DYNC2H1: variants seen among roughly 807,000 people sequenced by gnomAD.
DYNC2H1 encodes cytoplasmic dynein 2 heavy chain 1.
DYNC2H1 carries 410 observed loss-of-function variants against 570.0 expected under a neutral mutation model. That is an observed-to-expected ratio of 0.72 (90% CI 0.66 to 0.78). The LOEUF (loss-of-function observed/expected upper bound fraction) is 0.78. DYNC2H1 is among the 30% of genes least tolerant of loss of function. The pLI is 0.00. For synonymous variants in DYNC2H1, 1,688 were observed against 1,677.6 expected (o/e 1.01, Z -0.15); for missense variants, 4,865 against 5,046.4 (o/e 0.96, Z 1.09).
chr11:103,135,855 T>G lies in DYNC2H1; in HGVS notation c.2481T>G (p.Ile827Met). ...GEAGDESIFS[I>M]MIDRNASGFL... The stretch of plus-strand genomic sequence containing the variant: ...CAGGAGATGAATCTATTTTTTCTAT[T>G]ATGATTGATAGAAATGCAAGTGGAT... Residue 827 changes from isoleucine (I) to methionine (M), a missense_variant, in exon 17 of 89, where the codon ATT becomes ATG. Physicochemically the swap from Ile to Met is conservative, Grantham distance 10. This residue lies in a region of DYNC2H1 where 1,936 missense variants were observed against 1,962.1 expected (regional missense o/e 0.99). Coordinates refer to ENST00000375735, the MANE Select transcript of DYNC2H1 (RefSeq NM_001377.3). 1 of 1,613,100 alleles carries G rather than the reference T, an allele frequency of 6.2e-7. No individual in the cohort carries two copies. Among genetic ancestry groups the G allele is most frequent in the South Asian group, 1.1e-5 (1 of 90,902 alleles).
intron 75 of DYNC2H1, among the ~76,000 whole-genome samples, chr11:103,297,508 G>A (rs188896296): frequency 1.2e-4 from 19 of 152,196 alleles, no homozygotes; most frequent in Admixed American, 1.1e-3. Context: ...ACACACCTAG[G>A]CTATGTAGTA....
chr11:103,308,835 T>A (rs1867426998), intron 78 of DYNC2H1, among the ~76,000 whole-genome samples: 1 of 152,200 alleles, frequency 6.6e-6, no homozygotes, highest in Non-Finnish European at 1.5e-5. Context: ...TTAAAATTAT[T>A]TAATTTTTTG....
intron 22 of DYNC2H1, 101 bp downstream of exon 22, chr11:103,153,609 A>C: frequency 5.7e-6 from 6 of 1,048,088 alleles, no homozygotes; most frequent in East Asian, 2.7e-5. Context: ...AACTTTCCTC[A>C]TAAACTTCAT....
At chr11:103,214,579 C>T (rs575791505) in intron 54 of DYNC2H1, among the ~76,000 whole-genome samples, 46 of 150,858 alleles carry the variant, frequency 3.0e-4, no homozygotes, top group African/African-American at 9.5e-4. Flanking sequence ...CGAGTAGCTG[C>T]GATACAGGCA....
At chr11:103,373,449 A>G (rs539033118) in intron 83 of DYNC2H1, among the ~76,000 whole-genome samples, 2 of 152,104 alleles carry the variant, frequency 1.3e-5, no homozygotes, top group East Asian at 1.9e-4. Context: ...GTTGATTTTC[A>G]TTGACCCACT....
chr11:103,137,055 C>T (rs184305960), intron 17 of DYNC2H1, among the ~76,000 whole-genome samples: 4,494 of 148,174 alleles, frequency 0.03, 93 homozygotes, highest in Middle Eastern at 0.049. Flanking sequence ...TGTCCTTTGC[C>T]CACTTTTTGA....
chr11:103,418,937 C>T (rs1943379034), intron 84 of DYNC2H1, among the ~76,000 whole-genome samples: 1 of 152,202 alleles, frequency 6.6e-6, no homozygotes, highest in Non-Finnish European at 1.5e-5. Flanking sequence ...CACACAGGCC[C>T]AGGAGTTTTA....
chr11:103,243,872 C>T lies in DYNC2H1; in HGVS notation c.9918+81C>T, dbSNP rs1340370137. On this transcript the variant is annotated intron_variant, in intron 64 of 88. Coordinates refer to ENST00000375735, the MANE Select transcript of DYNC2H1 (RefSeq NM_001377.3). This position sits in a 1 kb window ranked among gnomAD's most constrained non-coding sequence, Gnocchi z 4.8. ...GATCTTGGAGTCTATAATCAGAAAA[C>T]ATAGATTCAACACTGGGTCCTACTG... 3.5e-6 allele frequency: 4 copies of T among 1,128,590 alleles called. No homozygotes were observed. The highest frequency in any genetic ancestry group is 3.1e-5 in the African/African-American group (2 of 63,688). The allele number at this position is 1,128,590 out of a possible 1,614,324, so 69.9% of individuals were successfully genotyped here. A position where few individuals can be genotyped will look rare whatever the true frequency, so the allele number is the denominator to read the frequency against.
In DYNC2H1 at chr11:103,222,864, G is replaced by A. The variant is rs1341665374; in HGVS notation, c.9232-101G>A. The stretch of plus-strand genomic sequence containing the variant: ...TATAAGCCAAAAAACTACTTTATTT[G>A]GGTCAAGTTAATAAGTGCCCAAATA... On this transcript the variant is annotated intron_variant, in intron 58 of 88. Coordinates refer to ENST00000375735, the MANE Select transcript of DYNC2H1 (RefSeq NM_001377.3). The A allele has an allele frequency of 2.1e-6, 3 of 1,429,430 alleles. No individual in the cohort carries two copies. The African/African-American group carries it at 4.4e-5, about 21-fold the overall frequency. 88.5% of individuals were successfully genotyped at this position (1,429,430 alleles called of 1,614,324 possible). A position where few individuals can be genotyped will look rare whatever the true frequency, so the allele number is the denominator to read the frequency against.
Position 103,168,708 on chromosome 11 carries a change from A to AC in DYNC2H1, c.4763-46dup, listed in dbSNP as rs757951552. On this transcript the variant is annotated intron_variant, in intron 31 of 88. Coordinates refer to ENST00000375735, the MANE Select transcript of DYNC2H1 (RefSeq NM_001377.3). ...CACGTAATCATAAATTATATAAATC[A>AC]CAGGCTAACATTTTCTCCAATTGTC... 3.2e-6 allele frequency: 5 copies of AC among 1,567,788 alleles called. No homozygotes were observed. The African/African-American group carries it at 5.4e-5, about 17-fold the overall frequency.
intron 46 of DYNC2H1, among the ~76,000 whole-genome samples, chr11:103,191,820 T>C (rs929159858): frequency 1.3e-5 from 2 of 152,014 alleles, no homozygotes; most frequent in African/African-American, 4.8e-5. Context: ...TTGGGAAAAA[T>C]GAAATCATTA....
chr11:103,140,550 C>T (rs1443510237), intron 17 of DYNC2H1, among the ~76,000 whole-genome samples: 1 of 152,208 alleles, frequency 6.6e-6, no homozygotes, highest in Non-Finnish European at 1.5e-5. Context: ...CCACTCTCTT[C>T]TGGCTTGTAG....
rs1262502389 is a variant in DYNC2H1, at chr11:103,239,017, C to T, written c.9819+2478C>T. Among the ~76,000 whole-genome samples the T allele has an allele frequency of 6.6e-6, 1 of 152,106 alleles. No individual in the cohort carries two copies. Among genetic ancestry groups the T allele is most frequent in the Non-Finnish European group, 1.5e-5 (1 of 68,024 alleles). On this transcript the variant is annotated intron_variant, in intron 63 of 88. Coordinates refer to ENST00000375735, the MANE Select transcript of DYNC2H1 (RefSeq NM_001377.3). This position sits in a 1 kb window ranked among gnomAD's most constrained non-coding sequence, Gnocchi z 4.3. Reference sequence around the variant, plus strand: ...TTATATGATCTAATATTGGTCAACTCAGTGGATAATGGAAAGTATAATAAG... The same window carrying T: ...TTATATGATCTAATATTGGTCAACTTAGTGGATAATGGAAAGTATAATAAG...
chr11:103,464,563 A>G (rs1945132125), intron 87 of DYNC2H1, among the ~76,000 whole-genome samples: 1 of 152,204 alleles, frequency 6.6e-6, no homozygotes, highest in Admixed American at 6.5e-5. Context: ...AAAATCTTCA[A>G]AGTTACCAGA....
intron 80 of DYNC2H1, among the ~76,000 whole-genome samples, chr11:103,317,222 ATC>A (rs1937901309): frequency 6.6e-6 from 1 of 151,738 alleles, no homozygotes; most frequent in Admixed American, 6.6e-5. Context: ...TCACAAACAA[ATC>A]TCTCAATTCC....
chr11:103,109,781 T>A lies in DYNC2H1; in HGVS notation c.195+12T>A, dbSNP rs540851262. 2.4e-5 allele frequency: 38 copies of A among 1,606,960 alleles called. 1 individual carries two copies. The South Asian group carries it at 4.2e-4, about 18-fold the overall frequency. ...CCTTTTCCAACACGGTACGGTTCCT[T>A]GCACTCCTGCCTGACCCCTGACCAC... is the stretch of plus-strand genomic sequence containing the variant. On this transcript the variant is annotated intron_variant, in intron 1 of 88. Coordinates refer to ENST00000375735, the MANE Select transcript of DYNC2H1 (RefSeq NM_001377.3).
chr11:103,222,294 G>C (rs940481125), intron 58 of DYNC2H1, 141 bp downstream of exon 58: 3 of 562,586 alleles, frequency 5.3e-6, no homozygotes, highest in Non-Finnish European at 2.8e-6. Flanking sequence ...AATTACACTT[G>C]GGAAGCATTA....
chr11:103,245,170 A>C lies in DYNC2H1; in HGVS notation c.9919-81A>C. The C allele has an allele frequency of 8.4e-7, 1 of 1,191,298 alleles. No individual in the cohort carries two copies. The highest frequency in any genetic ancestry group is 1.2e-6 in the Non-Finnish European group (1 of 866,716). The allele number at this position is 1,191,298 out of a possible 1,614,324, so 73.8% of individuals were successfully genotyped here. A position where few individuals can be genotyped will look rare whatever the true frequency, so the allele number is the denominator to read the frequency against. Reference sequence around the variant, plus strand: ...TGTGTTTCTATAACATTTTGAAATTACTGTAGAAAATCAAAGAAAGGATGT... The same window carrying C: ...TGTGTTTCTATAACATTTTGAAATTCCTGTAGAAAATCAAAGAAAGGATGT... On this transcript the variant is annotated intron_variant, in intron 64 of 88. Coordinates refer to ENST00000375735, the MANE Select transcript of DYNC2H1 (RefSeq NM_001377.3). This position sits in a 1 kb window ranked among gnomAD's most constrained non-coding sequence, Gnocchi z 4.5.
At chr11:103,140,816 A>G (rs1859872482) in intron 17 of DYNC2H1, among the ~76,000 whole-genome samples, 1 of 152,114 alleles carries the variant, frequency 6.6e-6, no homozygotes, top group Non-Finnish European at 1.5e-5. Flanking sequence ...ACTTGGTTCC[A>G]TTCTCCCCGT....
Sources: gnomAD v4.1 joint callset for allele counts (sites outside exome capture counted in the v4.1 genomes callset) on GRCh38, gnomAD v4.1.1 for gene constraint, gnomAD v4.1.1 regional missense constraint, Gnocchi (gnomAD v3.1) non-coding constraint, MANE v1.5 for transcripts, NCBI Gene and HGNC (gene_info 2026-07-23, HGNC 2026-07-21) for gene names.